The following PARN variants were observed in gnomAD, a reference collection of about 807,000 sequenced individuals.
The protein encoded by PARN is poly(A)-specific ribonuclease, also known as poly(A)-specific ribonuclease PARN.
PARN carries 71 observed loss-of-function variants against 102.8 expected under a neutral mutation model. That is an observed-to-expected ratio of 0.69 (90% CI 0.57 to 0.84). The LOEUF (loss-of-function observed/expected upper bound fraction) is 0.84, where lower values mean the gene tolerates loss of function less well. Ranked by LOEUF, PARN falls within the 40% of genes least tolerant of loss-of-function variation. The probability of loss-of-function intolerance (pLI) is 0.00; values close to 1 mark genes in which losing one functional copy is unlikely to be tolerated. For missense variants in PARN, 782 were observed against 760.9 expected (o/e 1.03, Z -0.33); for synonymous variants, 261 against 252.9 (o/e 1.03, Z -0.30).
At chr16:14,442,794 G>C (rs1250534185) in intron 23 of PARN, among the ~76,000 whole-genome samples, 2 of 152,184 alleles carry the variant, frequency 1.3e-5, no homozygotes, top group Non-Finnish European at 2.9e-5. Flanking sequence ...TTTTAGTAGA[G>C]ACAGGGTTTC....
At chr16:14,528,555 A>G (rs1966134221) in intron 21 of PARN, among the ~76,000 whole-genome samples, 1 of 152,214 alleles carries the variant, frequency 6.6e-6, no homozygotes, top group South Asian at 2.1e-4. Flanking sequence ...TGATGCAGCA[A>G]TACATCTTTT....
chr16:14,556,804 A>C (rs746505601), intron 18 of PARN, among the ~76,000 whole-genome samples: 5 of 151,976 alleles, frequency 3.3e-5, no homozygotes, highest in Non-Finnish European at 5.9e-5. Flanking sequence ...CTTTTTTTTT[A>C]ATGAAATGCA....
intron 13 of PARN, among the ~76,000 whole-genome samples, chr16:14,590,842 C>G (rs1193938407): frequency 6.6e-6 from 1 of 152,050 alleles, no homozygotes; most frequent in Non-Finnish European, 1.5e-5. Context: ...GGAGGGTAAT[C>G]AAAATGCTGA....
chr16:14,591,441 C>G (rs1276831450), intron 13 of PARN, among the ~76,000 whole-genome samples: 1 of 151,462 alleles, frequency 6.6e-6, no homozygotes, highest in African/African-American at 2.4e-5. Context: ...AGTCCAGTGG[C>G]ATACTATGGT....
intron 21 of PARN, among the ~76,000 whole-genome samples, chr16:14,499,598 C>G (rs1964483217): frequency 6.6e-6 from 1 of 152,180 alleles, no homozygotes; most frequent in South Asian, 2.1e-4. Flanking sequence ...CTAAATTGTT[C>G]TAAATATTCA....
At chr16:14,574,261 A>T (rs911343476) in intron 18 of PARN, among the ~76,000 whole-genome samples, 8 of 152,210 alleles carry the variant, frequency 5.3e-5, no homozygotes, top group Non-Finnish European at 1.2e-4. Context: ...GATTTGTAGA[A>T]CTTTGAGCTT....
At chr16:14,548,060 C>G (rs539243239) in intron 21 of PARN, among the ~76,000 whole-genome samples, 1 of 151,920 alleles carries the variant, frequency 6.6e-6, no homozygotes, top group Non-Finnish European at 1.5e-5. Flanking sequence ...CTGTCTAACA[C>G]GGTGAAACCC....
chr16:14,604,116 ACCC>A (rs768734810), intron 11 of PARN, 27 bp downstream of exon 11: 1 of 1,322,456 alleles, frequency 7.6e-7, no homozygotes, highest in Non-Finnish European at 1.1e-6. Context: ...GCCATTTCTC[ACCC>A]CCCAAGAATT....
At chr16:14,442,079 C>G (rs931988078) in intron 23 of PARN, among the ~76,000 whole-genome samples, 1 of 152,182 alleles carries the variant, frequency 6.6e-6, no homozygotes. Context: ...CAATGTATCT[C>G]CTTTGGGCAT....
chr16:14,550,272 A>G (rs997797960), intron 21 of PARN, among the ~76,000 whole-genome samples: 13 of 152,148 alleles, frequency 8.5e-5, no homozygotes, highest in Non-Finnish European at 8.8e-5. Context: ...CTCTATGCAA[A>G]AATTAAAATA....
chr16:14,627,216 G>A, intron 4 of PARN, 29 bp from the exon 5 acceptor site: 1 of 1,566,620 alleles, frequency 6.4e-7, no homozygotes, highest in Non-Finnish European at 8.8e-7. Flanking sequence ...AGACTTAGGA[G>A]GTGACATTGT....
chr16:14,586,834 C>T (rs771502626), intron 13 of PARN, among the ~76,000 whole-genome samples: 1 of 152,134 alleles, frequency 6.6e-6, no homozygotes, highest in Non-Finnish European at 1.5e-5. Context: ...CCTGAGATCA[C>T]CTTTGAAATG....
At chr16:14,511,072 T>C (rs757110250) in intron 21 of PARN, among the ~76,000 whole-genome samples, 1 of 152,276 alleles carries the variant, frequency 6.6e-6, no homozygotes, top group South Asian at 2.1e-4. Flanking sequence ...CAAAATCAGA[T>C]CAAAAGTTCT....
intron 21 of PARN, among the ~76,000 whole-genome samples, chr16:14,495,942 A>T (rs1014921757): frequency 3.3e-5 from 5 of 152,148 alleles, no homozygotes; most frequent in African/African-American, 1.2e-4. Flanking sequence ...ATCTTCCCAA[A>T]AGCACCAGGG....
intron 13 of PARN, among the ~76,000 whole-genome samples, chr16:14,589,470 T>C (rs1292028070): frequency 2.0e-5 from 3 of 149,646 alleles, no homozygotes; most frequent in African/African-American, 4.9e-5. Flanking sequence ...GAGGCTGAGG[T>C]AGGAGTATCA....
intron 18 of PARN, among the ~76,000 whole-genome samples, chr16:14,573,995 T>C (rs1968965662): frequency 6.6e-6 from 1 of 152,086 alleles, no homozygotes; most frequent in South Asian, 2.1e-4. Context: ...AATGTGAAAG[T>C]GACTTTGAAA....
At chr16:14,501,266 A>C (rs1216030841) in intron 21 of PARN, among the ~76,000 whole-genome samples, 1 of 126,924 alleles carries the variant, frequency 7.9e-6, no homozygotes, top group East Asian at 2.0e-4. Flanking sequence ...CCATCTTTAC[A>C]AAAAAAAACA....
At chr16:14,493,140 C>A (rs1964142967) in intron 21 of PARN, among the ~76,000 whole-genome samples, 2 of 152,122 alleles carry the variant, frequency 1.3e-5, no homozygotes, top group Non-Finnish European at 2.9e-5. Flanking sequence ...TTTTCCGAGA[C>A]CAAAATTAGT....
intron 21 of PARN, among the ~76,000 whole-genome samples, chr16:14,492,509 C>T (rs1160144613): frequency 6.6e-6 from 1 of 152,118 alleles, no homozygotes; most frequent in African/African-American, 2.4e-5. Flanking sequence ...AGAGAAAGTT[C>T]CATCGGCACC....
Sources: gnomAD v4.1 joint callset for allele counts (sites outside exome capture counted in the v4.1 genomes callset) on GRCh38, gnomAD v4.1.1 for gene constraint, MANE v1.5 for transcripts, NCBI Gene and HGNC (gene_info 2026-07-23, HGNC 2026-07-21) for gene names.